NAT10: variants seen among roughly 807,000 people sequenced by gnomAD.
NAT10 encodes RNA cytidine acetyltransferase.
A neutral mutation model predicts 132.2 loss-of-function variants in NAT10; 109 were observed. The ratio of observed to expected loss-of-function variants is 0.82; its 90% CI spans 0.71 to 0.97. NAT10 has a LOEUF of 0.97. NAT10 is among the 50% of genes least tolerant of loss of function. NAT10 has a pLI of 0.00. For missense variants in NAT10, 1,184 were observed against 1,263.4 expected, an observed-to-expected ratio of 0.94 and a Z score of 0.95; for synonymous variants, 479 against 478.0, an observed-to-expected ratio of 1.00 and a Z score of -0.03.
intron 22 of NAT10, 33 bp downstream of exon 22, chr11:34,139,320 T>G: frequency 6.2e-7 from 1 of 1,612,230 alleles, no homozygotes; most frequent in Non-Finnish European, 8.5e-7. Flanking sequence ...GGGGAGACAA[T>G]GAGGTGATTG....
chr11:34,120,718 A>G (rs772277013), intron 8 of NAT10, among the ~76,000 whole-genome samples: 11 of 152,250 alleles, frequency 7.2e-5, no homozygotes, highest in African/African-American at 1.2e-4. Flanking sequence ...GAGATGAGAC[A>G]GTCAGTAAAT....
chr11:34,139,155 G>T, intron 21 of NAT10, 36 bp from the exon 22 acceptor site: 1 of 1,571,206 alleles, frequency 6.4e-7, no homozygotes, highest in Non-Finnish European at 8.8e-7. Flanking sequence ...AAAAAAAGGG[G>T]GTTCTTGGTG....
Position 34,136,748 on chromosome 11 carries a change from C to G in NAT10, c.2135C>G (p.Ser712Cys). Residue 712 changes from serine to cysteine, a missense_variant, in exon 20 of 29, where the codon TCC becomes TGC. Transcript: ENST00000257829. Reference sequence around the variant, plus strand: ...GAACGCCTGGATTACCTGGGTGTTTCCTATGGCTTGACCCCCAGGCTCCTC... The same window carrying G: ...GAACGCCTGGATTACCTGGGTGTTTGCTATGGCTTGACCCCCAGGCTCCTC... Reference protein sequence around the residue: ...PAERLDYLGVSYGLTPRLLKF... With the variant: ...PAERLDYLGVCYGLTPRLLKF... 1 of 1,614,154 alleles carries G rather than the reference C, an allele frequency of 6.2e-7. No individual in the cohort carries two copies. Among genetic ancestry groups the G allele is most frequent in the East Asian group, 2.2e-5 (1 of 44,872 alleles).
chr11:34,125,384 C>T (rs1166605567), intron 11 of NAT10, among the ~76,000 whole-genome samples: 1 of 152,154 alleles, frequency 6.6e-6, no homozygotes, highest in Admixed American at 6.5e-5. Flanking sequence ...TCGGGCCTTG[C>T]TCCTTCTTGA....
At chr11:34,131,678 T>C in intron 14 of NAT10, 147 bp downstream of exon 14, 1 of 918,002 alleles carries the variant, frequency 1.1e-6, no homozygotes, top group Non-Finnish European at 1.5e-6. Flanking sequence ...TCTTCCTTTT[T>C]TTTTTTTCTT....
Position 34,141,159 on chromosome 11 carries a change from C to T in NAT10, c.2663C>T (p.Ser888Leu), listed in dbSNP as rs151223396. The stretch of plus-strand genomic sequence containing the variant: ...CTGGAAAAGGAGATTGAGCTGCCCT[C>T]GGGCCAGTTGATGGGACTTTTCAAC... Reference protein sequence around the residue: ...DQLEKEIELPSGQLMGLFNRI... With the variant: ...DQLEKEIELPLGQLMGLFNRI... The change falls in exon 25 of 29, where the codon TCG becomes TTG. Residue 888 changes from serine (S) to leucine (L), a missense_variant. Coordinates refer to ENST00000257829, the MANE Select transcript of NAT10 (RefSeq NM_024662.3). The T allele has an allele frequency of 1.3e-4, 205 of 1,613,944 alleles. 2 individuals carry two copies. In the East Asian group the frequency reaches 3.7e-3, roughly 29 times the overall value.
intron 8 of NAT10, among the ~76,000 whole-genome samples, chr11:34,120,747 A>G (rs773238796): frequency 6.6e-6 from 1 of 152,236 alleles, no homozygotes. Context: ...TGAGCAGACC[A>G]TATGGTGAAG....
At chr11:34,115,934 A>G (rs1259399543) in intron 6 of NAT10, 50 bp downstream of exon 6, 3 of 1,583,022 alleles carry the variant, frequency 1.9e-6, no homozygotes, top group South Asian at 1.1e-5. Context: ...TGGGAGGGAC[A>G]TTTTTATCTT....
In NAT10 at chr11:34,122,529, C is replaced by A; in HGVS notation, c.851C>A (p.Ala284Asp). The A allele has an allele frequency of 1.2e-6, 2 of 1,614,196 alleles. No individual in the cohort carries two copies. The highest frequency in any genetic ancestry group is 1.7e-6 in the Non-Finnish European group (2 of 1,180,028). Residue 284 changes from alanine (A) to aspartate (D), a missense_variant, in exon 9 of 29, where the codon GCT becomes GAT. Coordinates refer to ENST00000257829, the MANE Select transcript of NAT10 (RefSeq NM_024662.3). ...CTGAGGAGTACTGTTGCACTCACAGCTGCTCGAGGACGGGGAAAATCTGCA... is the reference window on the plus strand; with the variant it reads ...CTGAGGAGTACTGTTGCACTCACAGATGCTCGAGGACGGGGAAAATCTGCA... Reference protein sequence around the residue: ...KTLRSTVALTAARGRGKSAAL... With the variant: ...KTLRSTVALTDARGRGKSAAL...
intron 1 of NAT10, among the ~76,000 whole-genome samples, chr11:34,107,713 G>A (rs1295835884): frequency 6.6e-6 from 1 of 152,138 alleles, no homozygotes; most frequent in African/African-American, 2.4e-5. Context: ...AGATTGCGAG[G>A]TCAAGAGATC....
At chr11:34,126,641 C>G (rs935251555) in intron 11 of NAT10, among the ~76,000 whole-genome samples, 4 of 152,212 alleles carry the variant, frequency 2.6e-5, no homozygotes, top group South Asian at 2.1e-4. Flanking sequence ...ACCTCATCAA[C>G]TCTGGATGTT....
Position 34,118,474 on chromosome 11 carries a change from TTGG to T in NAT10, c.755_757del (p.Val252del), listed in dbSNP as rs1851824259. 3 of 1,613,920 alleles carry T rather than the reference TTGG, an allele frequency of 1.9e-6. No individual in the cohort carries two copies. ...GCAGGACACCCAGCCTGTGGGTGTG[TTGG>T]TGGACTGCTGTAAGACTCTAGACCA... On this transcript the variant is annotated inframe_deletion, in exon 8 of 29. Coordinates refer to ENST00000257829, the MANE Select transcript of NAT10 (RefSeq NM_024662.3).
intron 8 of NAT10, among the ~76,000 whole-genome samples, chr11:34,120,007 T>A (rs1018291595): frequency 6.6e-6 from 1 of 152,344 alleles, no homozygotes; most frequent in East Asian, 1.9e-4. Flanking sequence ...AGTAAACTTG[T>A]AAGTCTTTAC....
At position 34,146,242 on chromosome 11, in the gene NAT10, T is replaced by A; in HGVS notation, c.*50T>A. The A allele has an allele frequency of 7.4e-7, 1 of 1,344,930 alleles. No individual in the cohort carries two copies. The highest frequency in any genetic ancestry group is 1.0e-6 in the Non-Finnish European group (1 of 969,926). 83.3% of individuals were successfully genotyped at this position (1,344,930 alleles called of 1,614,324 possible). On this transcript the variant is annotated 3_prime_UTR_variant, in exon 29 of 29. Coordinates refer to ENST00000257829, the MANE Select transcript of NAT10 (RefSeq NM_024662.3). ...TTTGATCATGGGAAGATACTCTCAC[T>A]AACTGAACCCTCTCTGGCTGGACTG... is the stretch of plus-strand genomic sequence containing the variant.
rs763985144 is a variant in NAT10 at position 34,141,749 on chromosome 11, G to T, written c.2743G>T (p.Glu915Ter). ...LFNEVQEKAIEEQMVAAKDVV... is the reference protein window; with the variant it reads ...LFNEVQEKAI ...TAATGAAGTTCAGGAAAAGGCCATT[G>T]AGGAGCAGATGGTGGCAGCGAAGGA... The change falls in exon 26 of 29, where the codon GAG becomes TAG. Residue 915 changes from glutamate to a stop codon, truncating the protein, a stop_gained. Transcript: ENST00000257829. LOFTEE classifies it high-confidence loss of function. The T allele has an allele frequency of 4.3e-6, 7 of 1,613,938 alleles. No homozygotes were observed. Among genetic ancestry groups the T allele is most frequent in the Non-Finnish European group, 5.9e-6 (7 of 1,179,968 alleles).
chr11:34,124,234 T>C (rs1590769185), intron 10 of NAT10, 68 bp from the exon 11 acceptor site: 1 of 1,021,394 alleles, frequency 9.8e-7, no homozygotes, highest in Non-Finnish European at 1.5e-6. Flanking sequence ...GAATACTTGC[T>C]TACTTTCATA....
chr11:34,131,040 C>T (rs1852096489), intron 13 of NAT10, 103 bp downstream of exon 13: 1 of 1,511,962 alleles, frequency 6.6e-7, no homozygotes, highest in African/African-American at 1.4e-5. Context: ...CAAACCTTCC[C>T]ACCATCAGGC....
chr11:34,118,096 T>C, intron 6 of NAT10, 84 bp from the exon 7 acceptor site: 1 of 1,136,358 alleles, frequency 8.8e-7, no homozygotes, highest in East Asian at 2.4e-5. Context: ...TTGGGGCCAG[T>C]TAATTTTTTT....
chr11:34,127,249 C>T (rs1852012286), intron 11 of NAT10, among the ~76,000 whole-genome samples: 1 of 152,182 alleles, frequency 6.6e-6, no homozygotes, highest in South Asian at 2.1e-4. Flanking sequence ...TGTCCAAGGT[C>T]ATATGATCAG....
Sources: allele counts gnomAD v4.1 joint callset (sites outside exome capture counted in the v4.1 genomes callset), GRCh38; gene constraint gnomAD v4.1.1; transcripts MANE v1.5; gene names NCBI Gene and HGNC (gene_info 2026-07-23, HGNC 2026-07-21).